Variants in ITPR1 observed in about 807,000 individuals in gnomAD.
The protein encoded by ITPR1 is inositol 1,4,5-trisphosphate receptor type 1.
In ITPR1, 96 loss-of-function variants were observed where a neutral mutation model predicts 318.4. That is an observed-to-expected ratio of 0.30 (90% CI 0.26 to 0.36). The LOEUF is 0.36. Among genes scored for constraint, ITPR1 ranks in the 10% least tolerant of loss-of-function variants. The pLI is 1.00. For missense variants in ITPR1, 2,440 were observed against 3,460.2 expected (o/e 0.71, Z 7.40); for synonymous variants, 1,312 against 1,289.9 (o/e 1.02, Z -0.37).
intron 31 of ITPR1, 44 bp from the exon 32 acceptor site, chr3:4,691,100 C>G (rs1420088812): frequency 2.2e-6 from 3 of 1,393,282 alleles, no homozygotes. Context: ...GTTCTGTCAG[C>G]TTTTTGACTT....
intron 4 of ITPR1, among the ~76,000 whole-genome samples, chr3:4,620,684 T>G (rs1575757390): frequency 2.4e-5 from 1 of 42,422 alleles, no homozygotes; most frequent in African/African-American, 7.3e-5. Context: ...TTGTGGGTTT[T>G]TTTTTTTTTT....
intron 35 of ITPR1, among the ~76,000 whole-genome samples, chr3:4,702,209 G>A (rs2094670177): frequency 6.6e-6 from 1 of 152,020 alleles, no homozygotes; most frequent in Non-Finnish European, 1.5e-5. Flanking sequence ...TTTGTAGAAA[G>A]GAATAAATCT....
At chr3:4,582,128 A>T (rs541250501) in intron 4 of ITPR1, among the ~76,000 whole-genome samples, 8 of 152,216 alleles carry the variant, frequency 5.3e-5, no homozygotes, top group Non-Finnish European at 7.4e-5. Context: ...CAGTGTTGTT[A>T]CCAAGAAGTG....
intron 53 of ITPR1, among the ~76,000 whole-genome samples, chr3:4,799,587 G>A (rs1465349653): frequency 4.6e-5 from 7 of 152,076 alleles, no homozygotes; most frequent in African/African-American, 1.7e-4. Flanking sequence ...ATGTAGTGCT[G>A]CTTGTTTACA....
intron 2 of ITPR1, among the ~76,000 whole-genome samples, chr3:4,496,944 C>T (rs1046922715): frequency 6.6e-6 from 1 of 152,228 alleles, no homozygotes; most frequent in Non-Finnish European, 1.5e-5. Context: ...TCTTTGGCTA[C>T]ATCTAATTAA....
intron 4 of ITPR1, among the ~76,000 whole-genome samples, chr3:4,627,212 A>T (rs2092859476): frequency 1.3e-5 from 2 of 152,196 alleles, no homozygotes; most frequent in South Asian, 4.1e-4. Flanking sequence ...TACAGCAAGG[A>T]CTATTTGTCC....
At chr3:4,637,298 A>C (rs2093220056) in intron 5 of ITPR1, among the ~76,000 whole-genome samples, 1 of 152,262 alleles carries the variant, frequency 6.6e-6, no homozygotes, top group Non-Finnish European at 1.5e-5. Flanking sequence ...TCCGCAAAGA[A>C]TAAGCCTTCA....
chr3:4,775,731 G>T (rs187678584), intron 47 of ITPR1, among the ~76,000 whole-genome samples: 35 of 152,308 alleles, frequency 2.3e-4, no homozygotes, highest in African/African-American at 6.3e-4. Context: ...CTAGGAGTAG[G>T]CAATAAGGCA....
intron 4 of ITPR1, among the ~76,000 whole-genome samples, chr3:4,621,132 T>C (rs1164998441): frequency 1.3e-5 from 2 of 152,208 alleles, no homozygotes; most frequent in East Asian, 3.9e-4. Context: ...GTACCATCAC[T>C]GTATTAGCGT....
intron 44 of ITPR1, among the ~76,000 whole-genome samples, chr3:4,754,051 G>A (rs554456999): frequency 7.7e-6 from 1 of 129,732 alleles, no homozygotes; most frequent in South Asian, 2.5e-4. Context: ...CAGAAAATGG[G>A]GGGGGGGTGG....
chr3:4,713,186 G>A (rs2041510122), intron 39 of ITPR1, among the ~76,000 whole-genome samples: 1 of 152,174 alleles, frequency 6.6e-6, no homozygotes, highest in African/African-American at 2.4e-5. Context: ...CTCTTAAAGT[G>A]AGTTTTCAGA....
chr3:4,740,682 C>T (rs2043635553), intron 44 of ITPR1, among the ~76,000 whole-genome samples: 1 of 152,312 alleles, frequency 6.6e-6, no homozygotes, highest in South Asian at 2.1e-4. Context: ...CCGGCTCCTG[C>T]AATGGTGATA....
At chr3:4,603,074 G>T (rs1055568840) in intron 4 of ITPR1, among the ~76,000 whole-genome samples, 3 of 151,992 alleles carry the variant, frequency 2.0e-5, no homozygotes, top group Non-Finnish European at 4.4e-5. Flanking sequence ...GAAACAACAG[G>T]CATCAAATAA....
At chr3:4,519,572 A>C (rs951204736) in intron 3 of ITPR1, among the ~76,000 whole-genome samples, 15 of 152,106 alleles carry the variant, frequency 9.9e-5, no homozygotes, top group African/African-American at 3.6e-4. Context: ...TTCTGAGCCC[A>C]CCCTGTCAAG....
At chr3:4,663,973 G>A (rs1257780090) in intron 16 of ITPR1, among the ~76,000 whole-genome samples, 3 of 152,152 alleles carry the variant, frequency 2.0e-5, no homozygotes, top group Admixed American at 6.5e-5. Flanking sequence ...GTCTGTCCAT[G>A]GCTTGATAGT....
At position 4,717,385 on chromosome 3, in the gene ITPR1, T is replaced by C; in HGVS notation, c.5122T>C (p.Leu1708=). 6.3e-7 allele frequency: 1 copy of C among 1,597,072 alleles called. No individual in the cohort carries two copies. The highest frequency in any genetic ancestry group is 1.7e-5 in the Admixed American group (1 of 60,014). ...TTTCCAGCTAATTTCCATTGATGAA[T>C]TGGATAATGCTGAGGTCCTAATTTT... is the stretch of plus-strand genomic sequence containing the variant. The part of the protein sequence containing the change: ...YGEKLISIDE[L]DNAELPPAPD... Residue 1708 remains leucine, a synonymous_variant, in exon 40 of 62, where the codon TTG becomes CTG. Coordinates refer to ENST00000649015, the MANE Select transcript of ITPR1 (RefSeq NM_001378452.1).
intron 52 of ITPR1, among the ~76,000 whole-genome samples, chr3:4,790,858 A>G (rs774520780): frequency 3.9e-5 from 6 of 152,242 alleles, no homozygotes; most frequent in Non-Finnish European, 5.9e-5. Flanking sequence ...ACTCTAGAAC[A>G]CACACATAGT....
Position 4,608,360 on chromosome 3 carries a change from A to T in ITPR1, c.164-19403A>T, listed in dbSNP as rs74420309. 3.0e-3 allele frequency among the ~76,000 whole-genome samples: 451 copies of T among 152,246 alleles called. 1 individual carries two copies. The highest frequency in any genetic ancestry group is 0.01 in the African/African-American group (434 of 41,562). Reference sequence around the variant, plus strand: ...TGTAGAATTCCAGCCATCAAGTAGGATTCCAAGAAGTACAGCAAAGAAGCT... The same window carrying T: ...TGTAGAATTCCAGCCATCAAGTAGGTTTCCAAGAAGTACAGCAAAGAAGCT... On this transcript the variant is annotated intron_variant, in intron 4 of 61. Coordinates refer to ENST00000649015, the MANE Select transcript of ITPR1 (RefSeq NM_001378452.1).
At chr3:4,699,391 C>T (rs1368993365) in intron 34 of ITPR1, among the ~76,000 whole-genome samples, 3 of 151,894 alleles carry the variant, frequency 2.0e-5, no homozygotes, top group Non-Finnish European at 4.4e-5. Flanking sequence ...GTCAGGTCCA[C>T]AGGACCTCAG....
Sources: allele counts gnomAD v4.1 joint callset (sites outside exome capture counted in the v4.1 genomes callset), GRCh38; gene constraint gnomAD v4.1.1; transcripts MANE v1.5; gene names NCBI Gene and HGNC (gene_info 2026-07-23, HGNC 2026-07-21).